CELSR1: variants seen among roughly 807,000 people sequenced by gnomAD.
CELSR1 encodes cadherin EGF LAG seven-pass G-type receptor 1, also known as adhesion G protein-coupled receptor C1.
In CELSR1, 110 loss-of-function variants were observed where a neutral mutation model predicts 249.1. The ratio of observed to expected loss-of-function variants is 0.44; its 90% CI spans 0.38 to 0.52. The LOEUF (loss-of-function observed/expected upper bound fraction) is 0.52, where lower values mean the gene tolerates loss of function less well. Ranked by LOEUF, CELSR1 falls within the 20% of genes least tolerant of loss-of-function variation. The pLI, the probability that CELSR1 is intolerant of heterozygous loss-of-function variation, is 0.00. For missense variants in CELSR1, 4,109 were observed against 4,296.4 expected (o/e 0.96, Z 1.22); for synonymous variants, 2,113 against 1,900.0 (o/e 1.11, Z -2.92).
intron 2 of CELSR1, among the ~76,000 whole-genome samples, chr22:46,450,105 C>G (rs927386317): frequency 6.6e-6 from 1 of 152,224 alleles, no homozygotes; most frequent in African/African-American, 2.4e-5. Context: ...AGGAGCTGCA[C>G]AGAAAAGCCC....
chr22:46,464,086 G>A lies in CELSR1; in HGVS notation c.3804C>T (p.Gly1268=), dbSNP rs754784157. The A allele has an allele frequency of 7.9e-5, 128 of 1,613,632 alleles. 2 individuals carry two copies. In the South Asian group the frequency reaches 1.2e-3, roughly 15 times the overall value. ...ACGGGAAGAACTGGCCGCGGACGCC[G>A]CCAGGCAGCAGCGCCGAGAAGGTCA... The part of the protein sequence containing the change: ...LNVTFSALLP[G]GVRGQFFPSE... The change falls in exon 2 of 35, where the codon GGC becomes GGT. Residue 1268 remains glycine (G), a synonymous_variant. Coordinates refer to ENST00000674500, the MANE Select transcript of CELSR1 (RefSeq NM_001378328.1). The surrounding 1 kb of genome is among the most constrained non-coding windows in gnomAD (Gnocchi z 8.5).
chr22:46,423,601 G>A lies in CELSR1; in HGVS notation c.4611+9792C>T, dbSNP rs1351566422. ...GCCTGGGCAACAGGAGCGAAACTTCGTCTCAGAAAAAAAAAAAAAAAAAGA... is the reference window on the plus strand; with the variant it reads ...GCCTGGGCAACAGGAGCGAAACTTCATCTCAGAAAAAAAAAAAAAAAAAGA... On this transcript the variant is annotated intron_variant, in intron 5 of 34. Transcript: ENST00000674500. The surrounding 1 kb of genome is among the most constrained non-coding windows in gnomAD (Gnocchi z 5.6). 1.2e-4 allele frequency among the ~76,000 whole-genome samples: 14 copies of A among 117,708 alleles called. No homozygotes were observed. The highest frequency in any genetic ancestry group is 3.6e-4 in the African/African-American group (9 of 24,766). The allele number at this position is 117,708 out of a possible 152,430, so 77.2% of individuals were successfully genotyped here. A position where few individuals can be genotyped will look rare whatever the true frequency, so the allele number is the denominator to read the frequency against.
intron 27 of CELSR1, among the ~76,000 whole-genome samples, chr22:46,368,499 G>A (rs1055242690): frequency 1.3e-5 from 2 of 150,778 alleles, no homozygotes; most frequent in South Asian, 2.1e-4. Context: ...CTCCCGGGCC[G>A]GGAGCCTCAC....
intron 24 of CELSR1, 46 bp from the exon 25 acceptor site, chr22:46,373,103 T>A: frequency 6.6e-7 from 1 of 1,524,214 alleles, no homozygotes; most frequent in Non-Finnish European, 8.8e-7. Context: ...CATCCCAGGC[T>A]GAGGTCAGAC....
At chr22:46,456,661 TAAAAAAAAAA>T (rs556357746) in intron 2 of CELSR1, among the ~76,000 whole-genome samples, 9 of 60,282 alleles carry the variant, frequency 1.5e-4, no homozygotes, top group South Asian at 1.4e-3. Flanking sequence ...AGACTCTGTC[TAAAAAAAAAA>T]AAAAAAAAAA....
At position 46,410,387 on chromosome 22, in the gene CELSR1, G is replaced by A; in HGVS notation, c.4933+11C>T. On this transcript the variant is annotated intron_variant, in intron 7 of 34. Transcript: ENST00000674500. This position sits in a 1 kb window ranked among gnomAD's most constrained non-coding sequence, Gnocchi z 6.8. Reference sequence around the variant, plus strand: ...CTGCGGCAGCTCCGACGCCCTGACGGCCACCCGTACCTTCCCGGGTGCCAT... The same window carrying A: ...CTGCGGCAGCTCCGACGCCCTGACGACCACCCGTACCTTCCCGGGTGCCAT... 2 of 1,606,954 alleles carry A rather than the reference G, an allele frequency of 1.2e-6. No individual in the cohort carries two copies. Among genetic ancestry groups the A allele is most frequent in the South Asian group, 1.1e-5 (1 of 90,804 alleles).
At chr22:46,420,952 G>A (rs945748015) in intron 5 of CELSR1, among the ~76,000 whole-genome samples, 4 of 152,114 alleles carry the variant, frequency 2.6e-5, no homozygotes, top group African/African-American at 7.2e-5. Context: ...AGGAAAACGC[G>A]ACAGCCCTCG....
Position 46,394,206 on chromosome 22 carries a change from T to C in CELSR1, c.5900A>G (p.His1967Arg), listed in dbSNP as rs2079124541. 8 of 1,613,842 alleles carry C rather than the reference T, an allele frequency of 5.0e-6. No individual in the cohort carries two copies. In the South Asian group the frequency reaches 7.7e-5, roughly 16 times the overall value. Residue 1967 changes from histidine (H) to arginine (R), a missense_variant, in exon 14 of 35, where the codon CAC becomes CGC. Physicochemically the swap from His to Arg is conservative, Grantham distance 29. Around this residue, in one of 7 missense-constraint regions of CELSR1, gnomAD observed 1,805 missense variants for 1,831.6 expected, o/e 0.99. Transcript: ENST00000674500. ...ATCAAAGCCTTTGCTGACGGCACAG[T>C]GGCAGGGTCCACAGACGGGGTTCCC... is the stretch of plus-strand genomic sequence containing the variant. ...WWGNPVCGPC[H>R]CAVSKGFDPD...
intron 30 of CELSR1, 54 bp from the exon 31 acceptor site, chr22:46,365,743 G>T: frequency 1.4e-6 from 2 of 1,406,714 alleles, no homozygotes; most frequent in Non-Finnish European, 2.0e-6. Context: ...AACAGGAGGT[G>T]CTGGAAAGTT....
Position 46,518,763 on chromosome 22 carries a change from C to T in CELSR1, c.3544+14864G>A, listed in dbSNP as rs1296125031. Among the ~76,000 whole-genome samples, 2 of 152,090 alleles carry T rather than the reference C, an allele frequency of 1.3e-5. No homozygotes were observed. The highest frequency in any genetic ancestry group is 4.8e-5 in the African/African-American group (2 of 41,410). The stretch of plus-strand genomic sequence containing the variant: ...TAAAGACTCCAGTTGTGGCTGGGCG[C>T]GGTGGCTCGCCTGTAATCCAGCACT... On this transcript the variant is annotated intron_variant, in intron 1 of 34. Coordinates refer to ENST00000674500, the MANE Select transcript of CELSR1 (RefSeq NM_001378328.1). This position sits in a 1 kb window ranked among gnomAD's most constrained non-coding sequence, Gnocchi z 5.2.
rs2079336330 is a variant in CELSR1 at position 46,411,621 on chromosome 22, T to C, written c.4750A>G (p.Thr1584Ala). The C allele has an allele frequency of 6.2e-7, 1 of 1,614,132 alleles. No individual in the cohort carries two copies. The change falls in exon 6 of 35, where the codon ACT becomes GCT. Residue 1584 changes from threonine (T) to alanine (A), a missense_variant. Thr to Ala is a moderately conservative substitution (Grantham distance 58). Transcript: ENST00000674500. The surrounding 1 kb of genome is among the most constrained non-coding windows in gnomAD (Gnocchi z 4.2). ...GCTCACTTCTTGGAGCCGGTCTGAGTGCCCTGGGCAGCGCAGCTGTAGTTC... is the reference window on the plus strand; with the variant it reads ...GCTCACTTCTTGGAGCCGGTCTGAGCGCCCTGGGCAGCGCAGCTGTAGTTC... ...IGNYSCAAQG[T>A]QTGSKKSLDL...
In CELSR1 at chr22:46,537,076, TC is replaced by T; in HGVS notation, c.94del (p.Glu32SerfsTer70). On this transcript the variant is annotated frameshift_variant, in exon 1 of 35. Coordinates refer to ENST00000674500, the MANE Select transcript of CELSR1 (RefSeq NM_001378328.1). LOFTEE classifies it high-confidence loss of function. This position sits in a 1 kb window ranked among gnomAD's most constrained non-coding sequence, Gnocchi z 5.8. ...GCGGGTCCCGCCGGGTACGCGCGGCTCCCAGGCGGCCGCTCGCAGCCCCATC... is the reference window on the plus strand; with the variant it reads ...GCGGGTCCCGCCGGGTACGCGCGGCTCCAGGCGGCCGCTCGCAGCCCCATC... ...PAMGLRAAAW[E>X]PRVPGGTRAF... 1 of 1,053,920 alleles carries T rather than the reference TC, an allele frequency of 9.5e-7. No homozygotes were observed. Among genetic ancestry groups the T allele is most frequent in the Non-Finnish European group, 1.1e-6 (1 of 877,234 alleles). 65.3% of individuals were successfully genotyped at this position (1,053,920 alleles called of 1,614,324 possible). A position where few individuals can be genotyped will look rare whatever the true frequency, so the allele number is the denominator to read the frequency against.
chr22:46,377,314 T>C, intron 23 of CELSR1, 53 bp from the exon 24 acceptor site: 1 of 1,557,070 alleles, frequency 6.4e-7, no homozygotes, highest in Admixed American at 1.7e-5. Context: ...GAGGCTCAGA[T>C]CTGGTCATTG....
intron 1 of CELSR1, among the ~76,000 whole-genome samples, chr22:46,531,565 G>A (rs529428771): frequency 7.2e-4 from 109 of 152,280 alleles, no homozygotes; most frequent in African/African-American, 2.5e-3. Context: ...CAACTAATTC[G>A]TCAAAAATGT....
intron 33 of CELSR1, 31 bp from the exon 34 acceptor site, chr22:46,364,282 C>A: frequency 6.3e-7 from 1 of 1,597,928 alleles, no homozygotes; most frequent in South Asian, 1.1e-5. Flanking sequence ...AAGGTCAAGT[C>A]CGGGTGATGC....
chr22:46,499,660 C>G (rs954348655), intron 1 of CELSR1, among the ~76,000 whole-genome samples: 3 of 152,296 alleles, frequency 2.0e-5, no homozygotes, highest in East Asian at 3.9e-4. Flanking sequence ...ATGACCCACA[C>G]CCCCATCTGT....
Position 46,468,969 on chromosome 22 carries a change from G to A in CELSR1, c.3545-4624C>T, listed in dbSNP as rs193165719. On this transcript the variant is annotated intron_variant, in intron 1 of 34. Transcript: ENST00000674500. This position sits in a 1 kb window ranked among gnomAD's most constrained non-coding sequence, Gnocchi z 4.5. ...CACGTGCCTGTAGTCTCAGCTACTC[G>A]GAAGGCTGAGGCTTGAGAATCGCTT... 6.6e-6 allele frequency among the ~76,000 whole-genome samples: 1 copy of A among 152,134 alleles called. No individual in the cohort carries two copies. The highest frequency in any genetic ancestry group is 6.5e-5 in the Admixed American group (1 of 15,274).
intron 2 of CELSR1, among the ~76,000 whole-genome samples, chr22:46,443,537 C>T (rs1602143905): frequency 6.6e-6 from 1 of 152,262 alleles, no homozygotes; most frequent in Non-Finnish European, 1.5e-5. Context: ...TGCACCCCGC[C>T]GCCCTGCAGG....
Position 46,518,327 on chromosome 22 carries a change from G to A in CELSR1, c.3544+15300C>T, listed in dbSNP as rs565902938. Among the ~76,000 whole-genome samples the A allele has an allele frequency of 9.2e-5, 14 of 152,332 alleles. No homozygotes were observed. The highest frequency in any genetic ancestry group is 3.3e-4 in the Admixed American group (5 of 15,298). On this transcript the variant is annotated intron_variant, in intron 1 of 34. Coordinates refer to ENST00000674500, the MANE Select transcript of CELSR1 (RefSeq NM_001378328.1). This position sits in a 1 kb window ranked among gnomAD's most constrained non-coding sequence, Gnocchi z 5.2. ...GCCTGTGGGGGCACCATCAGCAGGG[G>A]CGCTCAGCCCGTGCCACACTCAGTC...
Sources: gnomAD v4.1 joint callset for allele counts (sites outside exome capture counted in the v4.1 genomes callset) on GRCh38, gnomAD v4.1.1 for gene constraint, gnomAD v4.1.1 regional missense constraint, Gnocchi (gnomAD v3.1) non-coding constraint, MANE v1.5 for transcripts, NCBI Gene and HGNC (gene_info 2026-07-23, HGNC 2026-07-21) for gene names.